The following SLC9A8 variants were observed in gnomAD, a reference collection of about 807,000 sequenced individuals.
The protein encoded by SLC9A8 is sodium/hydrogen exchanger 8.
Under a neutral mutation model 66.6 loss-of-function variants are expected in SLC9A8, and 48 were observed. The observed-to-expected ratio is 0.72, with a 90% CI of 0.57 to 0.92. The LOEUF is 0.92. Among genes scored for constraint, SLC9A8 ranks in the 40% least tolerant of loss-of-function variants. The pLI, the probability that SLC9A8 is intolerant of heterozygous loss-of-function variation, is 0.00. For synonymous variants in SLC9A8, 274 were observed against 282.6 expected (o/e 0.97, Z 0.31); for missense variants, 599 against 747.3 (o/e 0.80, Z 2.31).
chr20:49,833,353 G>C (rs1024748437), intron 3 of SLC9A8, among the ~76,000 whole-genome samples: 1 of 152,048 alleles, frequency 6.6e-6, no homozygotes. Context: ...ATGAACACTT[G>C]TCTTTCAGAA....
Position 49,812,915 on chromosome 20 carries a change from T to C in SLC9A8, c.-8T>C. Reference sequence around the variant, plus strand: ...CTCCGAACTCGGTGGTCCTGGAAGCTCCGCAGGATGGGGGAGAAGATGGCG... The same window carrying C: ...CTCCGAACTCGGTGGTCCTGGAAGCCCCGCAGGATGGGGGAGAAGATGGCG... On this transcript the variant is annotated 5_prime_UTR_variant, in exon 1 of 16. Transcript: ENST00000361573. 1 of 1,484,146 alleles carries C rather than the reference T, an allele frequency of 6.7e-7. No homozygotes were observed. The highest frequency in any genetic ancestry group is 8.9e-7 in the Non-Finnish European group (1 of 1,117,592). The allele number at this position is 1,484,146 out of a possible 1,614,324, so 91.9% of individuals were successfully genotyped here.
intron 1 of SLC9A8, among the ~76,000 whole-genome samples, chr20:49,814,737 A>G (rs968065705): frequency 1.3e-5 from 2 of 152,172 alleles, no homozygotes; most frequent in African/African-American, 4.8e-5. Context: ...GTATTTGCCA[A>G]AGAGCAGGCA....
chr20:49,849,894 G>C (rs1243027647), intron 6 of SLC9A8, among the ~76,000 whole-genome samples: 4 of 152,156 alleles, frequency 2.6e-5, no homozygotes, highest in African/African-American at 9.7e-5. Context: ...ATCTGGAATT[G>C]AGTAAAACTT....
chr20:49,849,744 G>A, intron 6 of SLC9A8, 64 bp downstream of exon 6: 2 of 1,351,250 alleles, frequency 1.5e-6, no homozygotes, highest in Non-Finnish European at 2.1e-6. Context: ...GCAGGGAGGT[G>A]GGAAGGTGAA....
rs1340385289 is a variant in SLC9A8, at chr20:49,878,080, T to A, written c.1158+17T>A. 5.3e-6 allele frequency: 8 copies of A among 1,498,836 alleles called. No homozygotes were observed. The highest frequency in any genetic ancestry group is 7.2e-6 in the Non-Finnish European group (8 of 1,107,564). 92.8% of individuals were successfully genotyped at this position (1,498,836 alleles called of 1,614,324 possible). ...TGGTGCATAGTAAGTATTTTCCTTT[T>A]TTTTTTTAAATTTAATTACTTATTT... On this transcript the variant is annotated intron_variant, in intron 12 of 15. Coordinates refer to ENST00000361573, the MANE Select transcript of SLC9A8 (RefSeq NM_015266.3).
chr20:49,872,371 A>C (rs1267120574), intron 10 of SLC9A8, among the ~76,000 whole-genome samples: 1 of 152,168 alleles, frequency 6.6e-6, no homozygotes. Flanking sequence ...AATACAAAAA[A>C]GTAGGTTTCC....
At chr20:49,815,234 T>C in intron 2 of SLC9A8, 45 bp downstream of exon 2, 5 of 1,448,954 alleles carry the variant, frequency 3.5e-6, no homozygotes, top group Non-Finnish European at 3.7e-6. Flanking sequence ...ATCCCGTGTC[T>C]GTGTGCTCGG....
intron 10 of SLC9A8, among the ~76,000 whole-genome samples, chr20:49,869,439 A>C (rs1169365361): frequency 6.7e-6 from 1 of 149,716 alleles, no homozygotes; most frequent in African/African-American, 2.5e-5. Flanking sequence ...GGCCAGGCTG[A>C]TCTTGAACTC....
At position 49,884,227 on chromosome 20, in the gene SLC9A8, C is replaced by CG. The variant is rs201497607; in HGVS notation, c.1491+161_1491+162insG. ...ACACACACACACACACACACACACACACACACACACACACGACACACACAC... is the reference window on the plus strand; with the variant it reads ...ACACACACACACACACACACACACACGACACACACACACACGACACACACAC... On this transcript the variant is annotated intron_variant, in intron 14 of 15. Transcript: ENST00000361573. 601 of 216,284 alleles carry CG rather than the reference C, an allele frequency of 2.8e-3. 5 individuals carry two copies. The highest frequency in any genetic ancestry group is 0.014 in the Admixed American group (221 of 15,272). 13.4% of individuals were successfully genotyped at this position (216,284 alleles called of 1,614,324 possible). A position where few individuals can be genotyped will look rare whatever the true frequency, so the allele number is the denominator to read the frequency against.
intron 8 of SLC9A8, among the ~76,000 whole-genome samples, chr20:49,859,772 G>T (rs1026802833): frequency 6.6e-6 from 1 of 152,202 alleles, no homozygotes; most frequent in African/African-American, 2.4e-5. Context: ...TAAAGTCACT[G>T]CTGTAGAGGA....
intron 7 of SLC9A8, among the ~76,000 whole-genome samples, chr20:49,851,758 T>A (rs1378158658): frequency 5.3e-5 from 8 of 152,194 alleles, no homozygotes; most frequent in Non-Finnish European, 1.0e-4. Flanking sequence ...GTAAGACAGT[T>A]TTGATACATA....
chr20:49,849,692 A>G lies in SLC9A8; in HGVS notation c.534+12A>G, dbSNP rs368938278. ...ATTTTCTGGGTCAGGTAAGAAAATC[A>G]TCTTTGAAACACTTTGAAAGTCTTA... On this transcript the variant is annotated intron_variant, in intron 6 of 15. Coordinates refer to ENST00000361573, the MANE Select transcript of SLC9A8 (RefSeq NM_015266.3). 1.3e-6 allele frequency: 2 copies of G among 1,583,476 alleles called. No homozygotes were observed. The highest frequency in any genetic ancestry group is 1.4e-5 in the African/African-American group (1 of 73,998).
chr20:49,855,956 A>G (rs2088462094), intron 8 of SLC9A8, among the ~76,000 whole-genome samples: 1 of 151,890 alleles, frequency 6.6e-6, no homozygotes, highest in African/African-American at 2.4e-5. Context: ...ACGCCCAGCT[A>G]ATTTTTTAAG....
chr20:49,815,275 ACTGT>A, intron 2 of SLC9A8, 86 bp downstream of exon 2: 1 of 1,174,580 alleles, frequency 8.5e-7, no homozygotes. Context: ...ACTCCTCTTG[ACTGT>A]CAAGTCTTCC....
At chr20:49,869,164 G>A (rs892466561) in intron 10 of SLC9A8, among the ~76,000 whole-genome samples, 2 of 152,140 alleles carry the variant, frequency 1.3e-5, no homozygotes, top group South Asian at 2.1e-4. Context: ...CAGAGGAGGG[G>A]ACTTTGGGCT....
chr20:49,866,301 C>T (rs2088962441), intron 10 of SLC9A8, among the ~76,000 whole-genome samples: 2 of 152,188 alleles, frequency 1.3e-5, no homozygotes, highest in South Asian at 4.1e-4. Context: ...GTCTGTTCAT[C>T]ATTTGAAGGG....
chr20:49,864,810 G>A lies in SLC9A8; in HGVS notation c.924G>A (p.Leu308=). 6.2e-7 allele frequency: 1 copy of A among 1,613,870 alleles called. No individual in the cohort carries two copies. Among genetic ancestry groups the A allele is most frequent in the East Asian group, 2.2e-5 (1 of 44,888 alleles). The change falls in exon 10 of 16, where the codon CTG becomes CTA. Residue 308 remains leucine (L), a synonymous_variant. Transcript: ENST00000361573. ...EFGMMIIFAY[L]PYGLAEGISL... ...GCATGATGATCATTTTTGCTTATCT[G>A]CCTTATGGGCTTGCAGAAGGAATCT...
chr20:49,815,751 A>G (rs1457654439), intron 2 of SLC9A8, among the ~76,000 whole-genome samples: 5 of 152,092 alleles, frequency 3.3e-5, no homozygotes, highest in Non-Finnish European at 7.4e-5. Flanking sequence ...TGGAAAAAAA[A>G]AAAAGAATCT....
chr20:49,815,694 G>T (rs905720854), intron 2 of SLC9A8, among the ~76,000 whole-genome samples: 6 of 151,902 alleles, frequency 3.9e-5, no homozygotes, highest in Non-Finnish European at 8.8e-5. Flanking sequence ...GCAGTGAGCC[G>T]AGATCACGCC....
Sources: allele counts gnomAD v4.1 joint callset (sites outside exome capture counted in the v4.1 genomes callset), GRCh38; gene constraint gnomAD v4.1.1; transcripts MANE v1.5; gene names NCBI Gene and HGNC (gene_info 2026-07-23, HGNC 2026-07-21).